Variants in ERCC4 observed in about 807,000 individuals in gnomAD.
ERCC4 encodes the protein ERCC excision repair 4, endonuclease catalytic subunit.
Under a neutral mutation model 76.9 loss-of-function variants are expected in ERCC4, and 65 were observed. That is an observed-to-expected ratio of 0.84 (90% CI 0.69 to 1.04). The LOEUF is 1.04. Ranked by LOEUF, ERCC4 falls within the 50% of genes least tolerant of loss-of-function variation. The pLI is 0.00. For missense variants in ERCC4, 1,214 were observed against 1,128.2 expected, an observed-to-expected ratio of 1.08 and a Z score of -1.09; for synonymous variants, 463 against 410.1, an observed-to-expected ratio of 1.13 and a Z score of -1.56.
intron 5 of ERCC4, chr16:13,931,173 T>C (rs1257901426): frequency 2.6e-6 from 1 of 389,082 alleles, no homozygotes; most frequent in East Asian, 4.9e-5. Flanking sequence ...AACTTAGAAA[T>C]AGGTTGTGTT....
Position 13,951,009 on chromosome 16 carries a change from A to T in ERCC4, c.*2662A>T, listed in dbSNP as rs1049326830. The stretch of plus-strand genomic sequence containing the variant: ...TGTCTCGTATGTATTTGAATTATGA[A>T]CAGTAATTTCTAATGAATTCTAAAA... On this transcript the variant is annotated 3_prime_UTR_variant, in exon 11 of 11. Transcript: ENST00000311895. The T allele has an allele frequency of 1.6e-5, 3 of 190,146 alleles. No individual in the cohort carries two copies. The Middle Eastern group carries it at 5.4e-3, about 341-fold the overall frequency. 11.8% of individuals were successfully genotyped at this position (190,146 alleles called of 1,614,324 possible).
At chr16:13,931,205 A>G (rs1215555786) in intron 5 of ERCC4, 1 of 307,372 alleles carries the variant, frequency 3.3e-6, no homozygotes, top group Non-Finnish European at 6.1e-6. Flanking sequence ...GTTGTTAAGA[A>G]CTTAAAATTC....
rs760177195 is a variant in ERCC4 at position 13,944,766 on chromosome 16, G to T, written c.1948G>T (p.Asp650Tyr). Residue 650 changes from aspartate (D) to tyrosine (Y), a missense_variant, in exon 10 of 11, where the codon GAT becomes TAT. By Grantham distance (160) the Asp-to-Tyr change is radical (BLOSUM62 -3). Transcript: ENST00000311895. ...TGTCCCTGAAGAAAGAGAAGGCAGA[G>T]ATGAAACAAACTTAGACCTAGTAAG... Reference protein sequence around the residue: ...MVVPEEREGRDETNLDLVRGT... With the variant: ...MVVPEEREGRYETNLDLVRGT... 3 of 1,614,104 alleles carry T rather than the reference G, an allele frequency of 1.9e-6. No individual in the cohort carries two copies. In the Admixed American group the frequency reaches 5.0e-5, roughly 27 times the overall value.
Position 13,948,020 on chromosome 16 carries a change from A to G in ERCC4, c.2424A>G (p.Ala808=), listed in dbSNP as rs1269027695. The G allele has an allele frequency of 5.6e-6, 9 of 1,614,038 alleles. No homozygotes were observed. In the South Asian group the frequency reaches 7.7e-5, roughly 14 times the overall value. Residue 808 remains alanine, a synonymous_variant, in exon 11 of 11, where the codon GCA becomes GCG. Transcript: ENST00000311895. ...LRILWCPSPH[A]TAELFEELKQ... ...TTCTCTGGTGCCCCTCTCCTCATGC[A>G]ACGGCGGAGTTGTTTGAGGAGCTGA... is the stretch of plus-strand genomic sequence containing the variant.
rs1307795434 is a variant in ERCC4, at chr16:13,949,689, TTTACG to T, written c.*1344_*1348del. 1 of 232,712 alleles carries T rather than the reference TTTACG, an allele frequency of 4.3e-6. No individual in the cohort carries two copies. The highest frequency in any genetic ancestry group is 2.2e-5 in the African/African-American group (1 of 45,338). The allele number at this position is 232,712 out of a possible 1,614,324, so 14.4% of individuals were successfully genotyped here. A position where few individuals can be genotyped will look rare whatever the true frequency, so the allele number is the denominator to read the frequency against. On this transcript the variant is annotated 3_prime_UTR_variant, in exon 11 of 11. Coordinates refer to ENST00000311895, the MANE Select transcript of ERCC4 (RefSeq NM_005236.3). The stretch of plus-strand genomic sequence containing the variant: ...ATTCTAAACCTGATTAAGTTGGCTT[TTTACG>T]TAAGTGTACAAATAGGATATTCACA...
At chr16:13,921,985 C>T in intron 1 of ERCC4, 46 bp from the exon 2 acceptor site, 1 of 1,339,250 alleles carries the variant, frequency 7.5e-7, no homozygotes, top group Non-Finnish European at 1.1e-6. Flanking sequence ...CTATTAAAAA[C>T]TGCCCTGTAT....
In ERCC4 at chr16:13,930,800, C is replaced by A. The variant is rs2141948519; in HGVS notation, c.883C>A (p.Leu295Met). The part of the protein sequence containing the change: ...VQDLKILRTL[L>M]QYLSQYDCVT... ...GGATTTGAAGATATTACGAACTTTGCTGCAGTATCTCTCTCAGTATGATTG... is the reference window on the plus strand; with the variant it reads ...GGATTTGAAGATATTACGAACTTTGATGCAGTATCTCTCTCAGTATGATTG... Residue 295 changes from leucine to methionine, a missense_variant, in exon 5 of 11, where the codon CTG becomes ATG. By Grantham distance (15) the Leu-to-Met change is conservative. Transcript: ENST00000311895. 6.2e-7 allele frequency: 1 copy of A among 1,610,846 alleles called. No homozygotes were observed.
intron 5 of ERCC4, chr16:13,931,289 A>G: frequency 4.5e-6 from 1 of 221,914 alleles, no homozygotes; most frequent in South Asian, 6.8e-5. Flanking sequence ...AGAGCAGAAG[A>G]GATTTTAGGG....
intron 1 of ERCC4, among the ~76,000 whole-genome samples, chr16:13,920,579 G>T (rs1287459904): frequency 6.6e-6 from 1 of 151,852 alleles, no homozygotes; most frequent in Non-Finnish European, 1.5e-5. Flanking sequence ...GTAAGGGGTC[G>T]CTAGGAGGAT....
chr16:13,927,450 T>C (rs1413542631), intron 3 of ERCC4: 1 of 157,590 alleles, frequency 6.3e-6, no homozygotes, highest in Non-Finnish European at 1.4e-5. Context: ...TCCCAGCTAC[T>C]TGGGAGGCTG....
In ERCC4 at chr16:13,935,238, T is replaced by C; in HGVS notation, c.1306T>C (p.Tyr436His). The C allele has an allele frequency of 6.2e-7, 1 of 1,614,076 alleles. No homozygotes were observed. Among genetic ancestry groups the C allele is most frequent in the Non-Finnish European group, 8.5e-7 (1 of 1,179,982 alleles). Residue 436 changes from tyrosine to histidine, a missense_variant, in exon 8 of 11, where the codon TAC (tyrosine) becomes CAC (histidine). By Grantham distance (83) the Tyr-to-His change is moderately conservative. Coordinates refer to ENST00000311895, the MANE Select transcript of ERCC4 (RefSeq NM_005236.3). ...LGAEAFLLRL[Y>H]RKTFEKDSKA... is the part of the protein sequence containing the mutation. ...AGCGGAGGCCTTCTTATTGAGGCTC[T>C]ACAGGAAAACCTTTGAGAAGGATAG...
At chr16:13,924,230 T>C (rs1413353328) in intron 2 of ERCC4, among the ~76,000 whole-genome samples, 1 of 152,172 alleles carries the variant, frequency 6.6e-6, no homozygotes, top group Admixed American at 6.5e-5. Context: ...CTTCTTCACC[T>C]GTCACCACCC....
In ERCC4 at chr16:13,935,646, G is replaced by A. The variant is rs2141608017; in HGVS notation, c.1714G>A (p.Glu572Lys). The A allele has an allele frequency of 6.2e-7, 1 of 1,614,130 alleles. No homozygotes were observed. Among genetic ancestry groups the A allele is most frequent in the Non-Finnish European group, 8.5e-7 (1 of 1,180,008 alleles). The change falls in exon 8 of 11, where the codon GAA becomes AAA. Residue 572 changes from glutamate to lysine, a missense_variant. Transcript: ENST00000311895. ...CTATGCTCTGACAAGGGTACTACAT[G>A]AAGTGGAGCCAAGATACGTGGTTCT... The part of the protein sequence containing the change: ...DPYALTRVLH[E>K]VEPRYVVLYD...
In ERCC4 at chr16:13,935,659, G is replaced by T. The variant is rs1800068; in HGVS notation, c.1727G>T (p.Arg576Ile). ...LTRVLHEVEP[R>I]YVVLYDAELT... ...AGGGTACTACATGAAGTGGAGCCAAGATACGTGGTTCTTTATGACGCAGAG... is the reference window on the plus strand; with the variant it reads ...AGGGTACTACATGAAGTGGAGCCAATATACGTGGTTCTTTATGACGCAGAG... The change falls in exon 8 of 11, where the codon AGA (arginine) becomes ATA (isoleucine). Residue 576 changes from arginine to isoleucine, a missense_variant. Transcript: ENST00000311895. 6.2e-7 allele frequency: 1 copy of T among 1,614,128 alleles called. No homozygotes were observed. Among genetic ancestry groups the T allele is most frequent in the Non-Finnish European group, 8.5e-7 (1 of 1,180,014 alleles).
In ERCC4 at chr16:13,920,259, C is replaced by A. The variant is rs1451460766; in HGVS notation, c.94C>A (p.Leu32Ile). 6.2e-7 allele frequency: 1 copy of A among 1,607,360 alleles called. No individual in the cohort carries two copies. The highest frequency in any genetic ancestry group is 8.5e-7 in the Non-Finnish European group (1 of 1,179,902). The stretch of plus-strand genomic sequence containing the variant: ...GCTGGAACTGCTCGACACTGACGGG[C>A]TAGTAGTGTGCGCCCGCGGGCTCGG... Reference protein sequence around the residue: ...LVLELLDTDGLVVCARGLGAD... With the variant: ...LVLELLDTDGIVVCARGLGAD... The change falls in exon 1 of 11, where the codon CTA (leucine) becomes ATA (isoleucine). Residue 32 changes from leucine to isoleucine, a missense_variant. Leu to Ile is a conservative substitution (Grantham distance 5). Coordinates refer to ENST00000311895, the MANE Select transcript of ERCC4 (RefSeq NM_005236.3).
intron 4 of ERCC4, among the ~76,000 whole-genome samples, chr16:13,929,648 G>A (rs2032135255): frequency 1.3e-5 from 2 of 152,166 alleles, no homozygotes; most frequent in Admixed American, 1.3e-4. Flanking sequence ...GCTGTTCTTT[G>A]TTTTAGACAG....
rs1232111126 is a variant in ERCC4, at chr16:13,947,750, C to G, written c.2154C>G (p.Leu718=). The change falls in exon 11 of 11, where the codon CTC becomes CTG. Residue 718 remains leucine (L), a synonymous_variant. Transcript: ENST00000311895. ...PVTLEVGDYI[L]TPEMCVERKS... ...CTTTAGAGGTTGGAGATTACATCCT[C>G]ACTCCAGAAATGTGCGTGGAGCGCA... The G allele has an allele frequency of 2.5e-6, 4 of 1,614,124 alleles. No individual in the cohort carries two copies. Among genetic ancestry groups the G allele is most frequent in the Non-Finnish European group, 3.4e-6 (4 of 1,180,048 alleles).
chr16:13,934,414 C>T, intron 7 of ERCC4, 112 bp downstream of exon 7: 1 of 764,648 alleles, frequency 1.3e-6, no homozygotes, highest in Non-Finnish European at 2.3e-6. Context: ...TGGTGAAACC[C>T]TGTCTCTATT....
At chr16:13,932,590 T>C in intron 6 of ERCC4, 1 of 470,820 alleles carries the variant, frequency 2.1e-6, no homozygotes, top group Non-Finnish European at 3.7e-6. Flanking sequence ...TTGATTTTTT[T>C]AGAACTTCAA....
Sources: gnomAD v4.1 joint callset for allele counts (sites outside exome capture counted in the v4.1 genomes callset) on GRCh38, gnomAD v4.1.1 for gene constraint, MANE v1.5 for transcripts, NCBI Gene and HGNC (gene_info 2026-07-23, HGNC 2026-07-21) for gene names.